Variants in UBE3D observed in about 807,000 individuals in gnomAD.
The protein encoded by UBE3D is E3 ubiquitin-protein ligase E3D.
A neutral mutation model predicts 49.6 loss-of-function variants in UBE3D; 48 were observed. That is an observed-to-expected ratio of 0.97 (90% CI 0.77 to 1.23). The LOEUF is 1.23. UBE3D is among the 50% of genes most tolerant of loss of function. The probability of loss-of-function intolerance (pLI) is 0.00; values close to 1 mark genes in which losing one functional copy is unlikely to be tolerated. For synonymous variants in UBE3D, 189 were observed against 174.2 expected (o/e 1.08, Z -0.67); for missense variants, 452 against 468.4 (o/e 0.96, Z 0.32).
intron 9 of UBE3D, among the ~76,000 whole-genome samples, chr6:82,902,548 T>C (rs530520201): frequency 4.6e-5 from 7 of 152,284 alleles, no homozygotes; most frequent in African/African-American, 1.7e-4. Flanking sequence ...TCCATTTACA[T>C]AACATTTTTG....
At chr6:82,883,326 G>A in the UBE3D span, among the ~76,000 whole-genome samples, 2 of 152,132 alleles carry the variant, frequency 1.3e-5, no homozygotes, top group Admixed American at 1.3e-4. Flanking sequence ...CATTTTGTAA[G>A]AATGGATTAA....
At chr6:82,990,955 GT>G (rs111460622) in intron 8 of UBE3D, among the ~76,000 whole-genome samples, 26,847 of 152,008 alleles carry the variant, frequency 0.18, 2,538 homozygotes, top group African/African-American at 0.24. Context: ...ATACTTTTTG[GT>G]TTACACGGTC....
rs186845974 is a variant in UBE3D at position 82,916,648 on chromosome 6, C to T, written c.1150-23606G>A. 4.6e-3 allele frequency among the ~76,000 whole-genome samples: 707 copies of T among 152,184 alleles called. 3 individuals are homozygous for T. Among genetic ancestry groups the T allele is most frequent in the South Asian group, 0.016 (78 of 4,824 alleles). Reference sequence around the variant, plus strand: ...AAATACAAATCTGACAAAGATTTAACGATATGGTTACAAGAAAATTACTGT... The same window carrying T: ...AAATACAAATCTGACAAAGATTTAATGATATGGTTACAAGAAAATTACTGT... On this transcript the variant is annotated intron_variant, in intron 9 of 9. Transcript: ENST00000369747.
At chr6:83,047,804 C>T (rs1396694203) in intron 3 of UBE3D, among the ~76,000 whole-genome samples, 2 of 151,994 alleles carry the variant, frequency 1.3e-5, no homozygotes, top group South Asian at 2.1e-4. Flanking sequence ...TGCATTAAGC[C>T]GGGCTCGGTG....
intron 9 of UBE3D, among the ~76,000 whole-genome samples, chr6:82,932,317 A>G (rs981576210): frequency 5.9e-5 from 9 of 152,076 alleles, no homozygotes; most frequent in Non-Finnish European, 1.2e-4. Context: ...ATTAAATGAT[A>G]CCTATCCTTT....
At chr6:83,006,416 G>C (rs899962345) in intron 8 of UBE3D, among the ~76,000 whole-genome samples, 1 of 152,086 alleles carries the variant, frequency 6.6e-6, no homozygotes, top group Non-Finnish European at 1.5e-5. Flanking sequence ...ATTAAATGAG[G>C]TCATAAAGAT....
Position 83,065,760 on chromosome 6 carries a change from G to T in UBE3D, c.-42C>A. On this transcript the variant is annotated 5_prime_UTR_variant, in exon 1 of 10. Coordinates refer to ENST00000369747, the MANE Select transcript of UBE3D (RefSeq NM_198920.3). ...CAGACCGGACCAAGCTGGAGGTTCC[G>T]AGGGGCCCGGGTCAACAGGACCAGG... The T allele has an allele frequency of 6.4e-7, 1 of 1,573,368 alleles. No homozygotes were observed. The highest frequency in any genetic ancestry group is 1.4e-5 in the African/African-American group (1 of 73,710).
intron 9 of UBE3D, among the ~76,000 whole-genome samples, chr6:82,921,924 T>C (rs530956645): frequency 2.0e-5 from 3 of 152,116 alleles, no homozygotes; most frequent in Non-Finnish European, 2.9e-5. Context: ...ATAAAAGAAA[T>C]AGCAAAAGTA....
intron 9 of UBE3D, among the ~76,000 whole-genome samples, chr6:82,933,129 C>T (rs11751565): frequency 0.1 from 15,371 of 152,152 alleles, 882 homozygotes; most frequent in Non-Finnish European, 0.13. Context: ...TGATAAAAGG[C>T]ATCACCTTCA....
intron 9 of UBE3D, among the ~76,000 whole-genome samples, chr6:82,900,220 C>T (rs1489592182): frequency 6.6e-6 from 1 of 152,200 alleles, no homozygotes; most frequent in Non-Finnish European, 1.5e-5. Context: ...GTTTCTAGAG[C>T]TCAGAAATAA....
At chr6:82,895,039 G>A (rs990566759) in intron 9 of UBE3D, among the ~76,000 whole-genome samples, 3 of 152,206 alleles carry the variant, frequency 2.0e-5, no homozygotes, top group Non-Finnish European at 4.4e-5. Flanking sequence ...CCGGCACAGT[G>A]GCTCACAGTG....
intron 5 of UBE3D, among the ~76,000 whole-genome samples, chr6:83,033,572 C>T (rs1277325457): frequency 6.6e-6 from 1 of 152,064 alleles, no homozygotes; most frequent in Non-Finnish European, 1.5e-5. Flanking sequence ...CTTACAAGAT[C>T]CACTAGTTTA....
rs1780886591 is a variant in UBE3D, at chr6:83,018,975, T to G, written c.1008A>C (p.Glu336Asp). 6.2e-7 allele frequency: 1 copy of G among 1,612,398 alleles called. No individual in the cohort carries two copies. The change falls in exon 8 of 10, where the codon GAA (glutamate) becomes GAC (aspartate). Residue 336 changes from glutamate to aspartate, a missense_variant and splice_region_variant. Coordinates refer to ENST00000369747, the MANE Select transcript of UBE3D (RefSeq NM_198920.3). ...GAGAAAACAAATGCACAACTTACTT[T>G]TCATTCCTGCTTTTGATGCATGGCT... ...LYQPCIKSRN[E>D]KLVSLWESDI...
intron 8 of UBE3D, among the ~76,000 whole-genome samples, chr6:83,005,551 G>A (rs532414358): frequency 4.2e-4 from 64 of 152,054 alleles, no homozygotes; most frequent in Admixed American, 1.8e-3. Flanking sequence ...GGAAGGCTGA[G>A]GCTGGAGGAT....
rs557284642 is a variant in UBE3D, at chr6:83,043,983, A to T, written c.597+445T>A. On this transcript the variant is annotated intron_variant, in intron 4 of 9. Transcript: ENST00000369747. The stretch of plus-strand genomic sequence containing the variant: ...CCTCCATTCCTCTTTTTACTTGATG[A>T]CATCTCCATTTATGACTTCAGCAGA... Among the ~76,000 whole-genome samples, 3 of 152,324 alleles carry T rather than the reference A, an allele frequency of 2.0e-5. No homozygotes were observed. In the East Asian group the frequency reaches 5.8e-4, roughly 29 times the overall value.
intron 1 of UBE3D, 80 bp downstream of exon 1, chr6:83,065,562 C>CAG: frequency 7.4e-7 from 1 of 1,354,700 alleles, no homozygotes; most frequent in East Asian, 2.4e-5. Context: ...ATCCCTCGTA[C>CAG]AGAGAGAGAC....
chr6:83,057,534 AG>A (rs1043180363), intron 2 of UBE3D, among the ~76,000 whole-genome samples: 2 of 152,256 alleles, frequency 1.3e-5, no homozygotes, highest in Non-Finnish European at 2.9e-5. Context: ...TCTGTGAGCC[AG>A]AAAATTTTAC....
chr6:83,038,603 A>G, intron 4 of UBE3D, 118 bp from the exon 5 acceptor site: 1 of 826,984 alleles, frequency 1.2e-6, no homozygotes, highest in Non-Finnish European at 1.9e-6. Context: ...GCCCTCTACT[A>G]AATACTGGGA....
chr6:82,881,865 A>T, the UBE3D span, among the ~76,000 whole-genome samples: 1 of 152,222 alleles, frequency 6.6e-6, no homozygotes, highest in Non-Finnish European at 1.5e-5. Context: ...TAACTAAAGT[A>T]TCTTCTGTAT....
Sources: gnomAD v4.1 joint callset for allele counts (sites outside exome capture counted in the v4.1 genomes callset) on GRCh38, gnomAD v4.1.1 for gene constraint, MANE v1.5 for transcripts, NCBI Gene and HGNC (gene_info 2026-07-23, HGNC 2026-07-21) for gene names.